RAP1GAP2: variants seen among roughly 807,000 people sequenced by gnomAD.
RAP1GAP2 encodes RAP1 GTPase activating protein 2.
In RAP1GAP2, 27 loss-of-function variants were observed where a neutral mutation model predicts 95.0. The ratio of observed to expected loss-of-function variants is 0.28; its 90% CI spans 0.21 to 0.39. The LOEUF is 0.39. Ranked by LOEUF, RAP1GAP2 falls within the 10% of genes least tolerant of loss-of-function variation. The pLI is 1.00. For missense variants in RAP1GAP2, 771 were observed against 970.0 expected, an observed-to-expected ratio of 0.79 and a Z score of 2.72; for synonymous variants, 373 against 380.9, an observed-to-expected ratio of 0.98 and a Z score of 0.24.
rs1425879507 is a variant in RAP1GAP2, at chr17:2,801,152, C to T, written c.80+602C>T. 3.3e-5 allele frequency among the ~76,000 whole-genome samples: 5 copies of T among 151,498 alleles called. No individual in the cohort carries two copies. In the East Asian group the frequency reaches 9.9e-4, roughly 30 times the overall value. On this transcript the variant is annotated intron_variant, in intron 2 of 24. Coordinates refer to ENST00000254695, the MANE Select transcript of RAP1GAP2 (RefSeq NM_015085.5). ...CGTGAGCCACTGCGCCTAGCCCAGA[C>T]CCATTATCTTCCTATCACTTTAGTT...
Position 2,827,221 on chromosome 17 carries a change from C to G in RAP1GAP2, c.80+26671C>G, listed in dbSNP as rs182439477. Among the ~76,000 whole-genome samples, 2 of 152,238 alleles carry G rather than the reference C, an allele frequency of 1.3e-5. No homozygotes were observed. The highest frequency in any genetic ancestry group is 2.9e-5 in the Non-Finnish European group (2 of 68,028). On this transcript the variant is annotated intron_variant, in intron 2 of 24. Transcript: ENST00000254695. This position sits in a 1 kb window ranked among gnomAD's most constrained non-coding sequence, Gnocchi z 4.1. Reference sequence around the variant, plus strand: ...TCCCAGGGGTGTGTGTGGTTGGGCTCTTTAGCTCAGGAGAGCTCAGCTGAG... The same window carrying G: ...TCCCAGGGGTGTGTGTGGTTGGGCTGTTTAGCTCAGGAGAGCTCAGCTGAG...
intron 2 of RAP1GAP2, among the ~76,000 whole-genome samples, chr17:2,816,224 C>G (rs2070017377): frequency 6.6e-6 from 1 of 150,680 alleles, no homozygotes; most frequent in South Asian, 2.1e-4. Context: ...TACAGAGGTG[C>G]TGTTTTGTTT....
Position 2,882,731 on chromosome 17 carries a change from G to C in RAP1GAP2, c.81-22553G>C, listed in dbSNP as rs150471545. ...AGTGGCTGGAGATGGGCTGGGATGC[G>C]GGTGCCGTTGTCTAGGTGAGAGATC... On this transcript the variant is annotated intron_variant, in intron 2 of 24. Transcript: ENST00000254695. 9.2e-3 allele frequency among the ~76,000 whole-genome samples: 1,404 copies of C among 152,288 alleles called. 24 individuals carry two copies. The highest frequency in any genetic ancestry group is 0.031 in the African/African-American group (1,273 of 41,562).
intron 2 of RAP1GAP2, among the ~76,000 whole-genome samples, chr17:2,856,158 A>T (rs1013371871): frequency 4.6e-5 from 7 of 152,068 alleles, no homozygotes; most frequent in African/African-American, 1.4e-4. Flanking sequence ...GAACAGGTCA[A>T]CTCTGAGACA....
rs1033933801 is a variant in RAP1GAP2, at chr17:3,003,807, C to T, written c.1201-1562C>T. ...GAGGGGGGAACAACAAAGGCCTGGC[C>T]GCCTGGTTGGAATGGGGTCAAGAGA... On this transcript the variant is annotated intron_variant, in intron 14 of 24. Coordinates refer to ENST00000254695, the MANE Select transcript of RAP1GAP2 (RefSeq NM_015085.5). This position sits in a 1 kb window ranked among gnomAD's most constrained non-coding sequence, Gnocchi z 4.1. Among the ~76,000 whole-genome samples the T allele has an allele frequency of 2.6e-5, 4 of 152,158 alleles. No individual in the cohort carries two copies. The highest frequency in any genetic ancestry group is 2.1e-4 in the South Asian group (1 of 4,828).
intron 3 of RAP1GAP2, among the ~76,000 whole-genome samples, chr17:2,912,344 G>C (rs377650624): frequency 6.6e-6 from 1 of 152,182 alleles, no homozygotes; most frequent in Non-Finnish European, 1.5e-5. Flanking sequence ...ACAGCCCCCG[G>C]CCTGATTTCG....
chr17:2,803,187 C>T (rs1026030232), intron 2 of RAP1GAP2, among the ~76,000 whole-genome samples: 1 of 152,038 alleles, frequency 6.6e-6, no homozygotes, highest in Non-Finnish European at 1.5e-5. Flanking sequence ...AAGCTGGGGG[C>T]GTGGGCCAGG....
chr17:2,984,305 G>A (rs1189216523), intron 10 of RAP1GAP2, among the ~76,000 whole-genome samples: 2 of 152,090 alleles, frequency 1.3e-5, no homozygotes, highest in African/African-American at 2.4e-5. Flanking sequence ...CCAAGACCAC[G>A]CCATTGCACT....
chr17:2,973,007 G>A (rs2044940211), intron 8 of RAP1GAP2, among the ~76,000 whole-genome samples: 1 of 152,152 alleles, frequency 6.6e-6, no homozygotes, highest in African/African-American at 2.4e-5. Flanking sequence ...GATCATTATA[G>A]GCTAGTGAGG....
intron 2 of RAP1GAP2, among the ~76,000 whole-genome samples, chr17:2,839,987 G>A (rs1218777911): frequency 1.3e-5 from 2 of 151,138 alleles, no homozygotes; most frequent in African/African-American, 2.4e-5. Flanking sequence ...TAGTAGAAAC[G>A]GGGTTTCACC....
At chr17:2,918,505 T>C (rs2042644565) in intron 3 of RAP1GAP2, among the ~76,000 whole-genome samples, 2 of 151,354 alleles carry the variant, frequency 1.3e-5, no homozygotes, top group Admixed American at 6.6e-5. Flanking sequence ...AGCAGGATGC[T>C]GACATCTGCT....
chr17:3,008,270 G>C lies in RAP1GAP2; in HGVS notation c.1494+125G>C. The C allele has an allele frequency of 7.2e-7, 1 of 1,381,952 alleles. No individual in the cohort carries two copies. Among genetic ancestry groups the C allele is most frequent in the Non-Finnish European group, 1.0e-6 (1 of 1,004,770 alleles). 85.6% of individuals were successfully genotyped at this position (1,381,952 alleles called of 1,614,324 possible). On this transcript the variant is annotated intron_variant, in intron 17 of 24. Coordinates refer to ENST00000254695, the MANE Select transcript of RAP1GAP2 (RefSeq NM_015085.5). This position sits in a 1 kb window ranked among gnomAD's most constrained non-coding sequence, Gnocchi z 4.2. The stretch of plus-strand genomic sequence containing the variant: ...GCCAGCTGGAGGGGTGACAGGAAAC[G>C]TATGGGTATCCTAGGTGTTTGCAAA...
intron 2 of RAP1GAP2, among the ~76,000 whole-genome samples, chr17:2,868,600 C>A (rs544317455): frequency 4.0e-5 from 6 of 149,692 alleles, no homozygotes; most frequent in Non-Finnish European, 7.4e-5. Flanking sequence ...TCAGTGCAAG[C>A]TCCACCTCCC....
intron 2 of RAP1GAP2, among the ~76,000 whole-genome samples, chr17:2,831,207 G>A (rs924639375): frequency 6.8e-6 from 1 of 147,200 alleles, no homozygotes; most frequent in Non-Finnish European, 1.5e-5. Context: ...CTCCCGAGTA[G>A]TTGGGACTAC....
chr17:2,921,065 C>CCG (rs993110060), intron 3 of RAP1GAP2, among the ~76,000 whole-genome samples: 6 of 152,148 alleles, frequency 3.9e-5, no homozygotes, highest in African/African-American at 1.2e-4. Context: ...GGAGCCCCCC[C>CCG]GGCAGACTCT....
chr17:2,976,741 G>A (rs1166863137), intron 8 of RAP1GAP2, among the ~76,000 whole-genome samples: 2 of 151,990 alleles, frequency 1.3e-5, no homozygotes, highest in Non-Finnish European at 2.9e-5. Flanking sequence ...GATAGAGATG[G>A]TAAAAGAAAA....
chr17:3,030,177 T>TACAC (rs61671474), intron 22 of RAP1GAP2, among the ~76,000 whole-genome samples: 50 of 145,250 alleles, frequency 3.4e-4, no homozygotes, highest in African/African-American at 1.0e-3. Flanking sequence ...ATATATATTA[T>TACAC]ACACACACAC....
At chr17:2,911,540 A>G (rs890240498) in intron 3 of RAP1GAP2, among the ~76,000 whole-genome samples, 1 of 151,876 alleles carries the variant, frequency 6.6e-6, no homozygotes, top group African/African-American at 2.4e-5. Flanking sequence ...GTCACATCGA[A>G]GCTGCAGTCC....
chr17:2,867,866 C>T lies in RAP1GAP2; in HGVS notation c.81-37418C>T, dbSNP rs914941376. Reference sequence around the variant, plus strand: ...CTGCAGCTGCTGGTACCCTCCCAGACGCAAGGAGGCTTCCTTCTGCCTTGG... The same window carrying T: ...CTGCAGCTGCTGGTACCCTCCCAGATGCAAGGAGGCTTCCTTCTGCCTTGG... On this transcript the variant is annotated intron_variant, in intron 2 of 24. Transcript: ENST00000254695. This position sits in a 1 kb window ranked among gnomAD's most constrained non-coding sequence, Gnocchi z 4.5. Among the ~76,000 whole-genome samples the T allele has an allele frequency of 8.5e-5, 13 of 152,162 alleles. No individual in the cohort carries two copies. Among genetic ancestry groups the T allele is most frequent in the East Asian group, 5.8e-4 (3 of 5,194 alleles).
Sources: gnomAD v4.1 joint callset for allele counts (sites outside exome capture counted in the v4.1 genomes callset) on GRCh38, gnomAD v4.1.1 for gene constraint, Gnocchi (gnomAD v3.1) non-coding constraint, MANE v1.5 for transcripts, NCBI Gene and HGNC (gene_info 2026-07-23, HGNC 2026-07-21) for gene names.